MUS81: variants seen among roughly 807,000 people sequenced by gnomAD.
MUS81 encodes structure-specific endonuclease subunit MUS81.
A neutral mutation model predicts 74.2 loss-of-function variants in MUS81; 69 were observed. That is an observed-to-expected ratio of 0.93 (90% confidence interval 0.77 to 1.14). The LOEUF is 1.14. Ranked by LOEUF, MUS81 falls within the 50% of genes most tolerant of loss-of-function variation. MUS81 has a pLI of 0.00. For missense variants in MUS81, 711 were observed against 726.5 expected, an observed-to-expected ratio of 0.98 and a Z score of 0.25; for synonymous variants, 303 against 300.6, an observed-to-expected ratio of 1.01 and a Z score of -0.08.
Position 65,863,136 on chromosome 11 carries a change from A to C in MUS81, c.677A>C (p.Asn226Thr). 1 of 1,614,152 alleles carries C rather than the reference A, an allele frequency of 6.2e-7. No homozygotes were observed. Among genetic ancestry groups the C allele is most frequent in the South Asian group, 1.1e-5 (1 of 91,086 alleles). ...LAESEGLSLLNVGIGPKEPPG... is the reference protein window; with the variant it reads ...LAESEGLSLLTVGIGPKEPPG... ...GAGTCAGAAGGCCTGAGCTTGCTGA[A>C]TGTGGGCATCGGGCCCAAGGAGCCC... The change falls in exon 7 of 16, where the codon AAT (asparagine) becomes ACT (threonine). Residue 226 changes from asparagine to threonine, a missense_variant. Transcript: ENST00000308110.
chr11:65,860,153 T>A (rs1260028589), upstream of MUS81: 1 of 431,762 alleles, frequency 2.3e-6, no homozygotes, highest in Non-Finnish European at 4.8e-6. Context: ...GCCTTACCTT[T>A]GTGTCCTCAT....
Position 65,863,852 on chromosome 11 carries a change from T to C in MUS81, c.1010T>C (p.Leu337Pro). 1 of 1,614,182 alleles carries C rather than the reference T, an allele frequency of 6.2e-7. No individual in the cohort carries two copies. Among genetic ancestry groups the C allele is most frequent in the Non-Finnish European group, 8.5e-7 (1 of 1,180,018 alleles). ...GATCACATTGTGGAGCGCAAGCGAC[T>C]GGATGACCTTTGCAGCAGCATCATC... ...VLDHIVERKRLDDLCSSIIDG... is the reference protein window; with the variant it reads ...VLDHIVERKRPDDLCSSIIDG... The change falls in exon 10 of 16, where the codon CTG becomes CCG. Residue 337 changes from leucine (L) to proline (P), a missense_variant. Physicochemically the swap from Leu to Pro is moderately conservative, Grantham distance 98 (BLOSUM62 -3). Transcript: ENST00000308110.
chr11:65,864,542 G>A lies in MUS81; in HGVS notation c.1105G>A (p.Glu369Lys), dbSNP rs1859741112. The change falls in exon 11 of 16, where the codon GAA (glutamate) becomes AAA (lysine). Residue 369 changes from glutamate to lysine, a missense_variant. Transcript: ENST00000308110. ...CGLERRVYLV[E>K]EHGSVHNLSL... Reference sequence around the variant, plus strand: ...TCTGGAGCGCCGGGTATACCTGGTGGAAGAGCATGGTTCCGTCCACAACCT... The same window carrying A: ...TCTGGAGCGCCGGGTATACCTGGTGAAAGAGCATGGTTCCGTCCACAACCT... The A allele has an allele frequency of 6.2e-7, 1 of 1,614,064 alleles. No homozygotes were observed. Among genetic ancestry groups the A allele is most frequent in the African/African-American group, 1.3e-5 (1 of 74,932 alleles).
At position 65,865,057 on chromosome 11, in the gene MUS81, AC is replaced by A. The variant is rs1238465263; in HGVS notation, c.1316del (p.Pro439LeufsTer6). ...LRSRPWGTPG[N>X]PESGAMTSPN... Reference sequence around the variant, plus strand: ...AGCCGCCCCTGGGGAACCCCTGGGAACCCTGAATCAGGGGCCATGACCTCTC... The same window carrying A: ...AGCCGCCCCTGGGGAACCCCTGGGAACCTGAATCAGGGGCCATGACCTCTC... On this transcript the variant is annotated frameshift_variant, in exon 13 of 16. Transcript: ENST00000308110. LOFTEE classifies it high-confidence loss of function. 37 of 1,613,804 alleles carry A rather than the reference AC, an allele frequency of 2.3e-5. No homozygotes were observed. The highest frequency in any genetic ancestry group is 3.1e-5 in the Non-Finnish European group (37 of 1,179,966).
chr11:65,861,185 A>C, intron 2 of MUS81, 83 bp downstream of exon 2: 2 of 1,597,284 alleles, frequency 1.3e-6, no homozygotes, highest in Non-Finnish European at 1.7e-6. Context: ...CTTGGCTTTT[A>C]AGCTCCCCAC....
chr11:65,862,974 G>T, intron 6 of MUS81, 91 bp from the exon 7 acceptor site: 1 of 1,559,928 alleles, frequency 6.4e-7, no homozygotes. Flanking sequence ...CGCCAAGGGG[G>T]TGGTGAGGCC....
intron 6 of MUS81, among the ~76,000 whole-genome samples, 171 bp downstream of exon 6, chr11:65,862,700 G>C (rs1014175982): frequency 6.6e-6 from 1 of 152,244 alleles, no homozygotes; most frequent in Non-Finnish European, 1.5e-5. Context: ...CAGCAGCGGG[G>C]GTGGGAGGGT....
At position 65,860,764 on chromosome 11, in the gene MUS81, C is replaced by G. The variant is rs1331750240; in HGVS notation, c.11C>G (p.Pro4Arg). Reference sequence around the variant, plus strand: ...CCCGCCCTCGGGCTCATGGCGGCCCCGGTCCGCCTGGGCCGGAAGCGCCCG... The same window carrying G: ...CCCGCCCTCGGGCTCATGGCGGCCCGGGTCCGCCTGGGCCGGAAGCGCCCG... MAA[P>R]VRLGRKRPLP... Residue 4 changes from proline (P) to arginine (R), a missense_variant, in exon 1 of 16, where the codon CCG becomes CGG. Coordinates refer to ENST00000308110, the MANE Select transcript of MUS81 (RefSeq NM_025128.5). 5 of 1,534,612 alleles carry G rather than the reference C, an allele frequency of 3.3e-6. No homozygotes were observed. The highest frequency in any genetic ancestry group is 1.2e-5 in the South Asian group (1 of 83,918).
upstream of MUS81, chr11:65,859,932 G>A: frequency 5.1e-6 from 1 of 195,830 alleles, no homozygotes; most frequent in Non-Finnish European, 1.1e-5. Context: ...AAACCCAACC[G>A]CGTGCCCATC....
chr11:65,862,201 T>C lies in MUS81; in HGVS notation c.451-10T>C, dbSNP rs370932565. 6.2e-7 allele frequency: 1 copy of C among 1,613,338 alleles called. No individual in the cohort carries two copies. The highest frequency in any genetic ancestry group is 1.7e-5 in the Admixed American group (1 of 60,020). On this transcript the variant is annotated splice_polypyrimidine_tract_variant and intron_variant, in intron 4 of 15. Coordinates refer to ENST00000308110, the MANE Select transcript of MUS81 (RefSeq NM_025128.5). The stretch of plus-strand genomic sequence containing the variant: ...CTGAGCCTACCCTGTCTTTTCTACC[T>C]TGGTTTCAGAATCCTAATGGTCACC...
chr11:65,864,758 T>G lies in MUS81; in HGVS notation c.1215T>G (p.Ile405Met). ...DGFFVKRTAD[I>M]KESAAYLALL... ...TTTTTGTGAAGCGCACAGCAGACAT[T>G]AAGGAGTCAGCCGCCTACCTGGCCC... The change falls in exon 12 of 16, where the codon ATT becomes ATG. Residue 405 changes from isoleucine (I) to methionine (M), a missense_variant. By Grantham distance (10) the Ile-to-Met change is conservative. Transcript: ENST00000308110. 6.2e-7 allele frequency: 1 copy of G among 1,613,966 alleles called. No individual in the cohort carries two copies. Among genetic ancestry groups the G allele is most frequent in the South Asian group, 1.1e-5 (1 of 91,086 alleles).
At chr11:65,862,629 G>GC (rs369260564) in intron 6 of MUS81, 100 bp downstream of exon 6, 41 of 1,177,830 alleles carry the variant, frequency 3.5e-5, no homozygotes, top group African/African-American at 1.3e-4. Flanking sequence ...GTTGAGATTG[G>GC]GGGGGGTGGG....
At position 65,864,550 on chromosome 11, in the gene MUS81, T is replaced by C; in HGVS notation, c.1113T>C (p.His371=). The change falls in exon 11 of 16, where the codon CAT becomes CAC. Residue 371 remains histidine, a synonymous_variant. Transcript: ENST00000308110. ...GCCGGGTATACCTGGTGGAAGAGCA[T>C]GGTTCCGTCCACAACCTCAGCCTTC... ...LERRVYLVEE[H]GSVHNLSLPE... 1 of 1,614,134 alleles carries C rather than the reference T, an allele frequency of 6.2e-7. No homozygotes were observed. Among genetic ancestry groups the C allele is most frequent in the Non-Finnish European group, 8.5e-7 (1 of 1,180,000 alleles).
In MUS81 at chr11:65,866,070, G is replaced by C. The variant is rs766342060; in HGVS notation, c.*18G>C. The C allele has an allele frequency of 3.1e-6, 5 of 1,610,324 alleles. No individual in the cohort carries two copies. The highest frequency in any genetic ancestry group is 4.2e-6 in the Non-Finnish European group (5 of 1,178,108). On this transcript the variant is annotated 3_prime_UTR_variant, in exon 16 of 16. Coordinates refer to ENST00000308110, the MANE Select transcript of MUS81 (RefSeq NM_025128.5). The stretch of plus-strand genomic sequence containing the variant: ...TGACCTGAGCTTATGCCGTGAAACA[G>C]CCCCCAGCCCCCGTCTGTCCCCCAA...
At chr11:65,863,975 C>A in intron 10 of MUS81, 74 bp downstream of exon 10, 1 of 1,450,908 alleles carries the variant, frequency 6.9e-7, no homozygotes, top group African/African-American at 1.4e-5. Flanking sequence ...AATCCAGGGG[C>A]ACTTCTGGCA....
chr11:65,860,323 C>G (rs1213342114), upstream of MUS81: 1 of 466,294 alleles, frequency 2.1e-6, no homozygotes, highest in Admixed American at 2.3e-5. Flanking sequence ...CTTAGAGCCG[C>G]CAAGCTCAGG....
At chr11:65,867,583 C>T, downstream of MUS81, 1 of 517,062 alleles carries the variant, frequency 1.9e-6, no homozygotes, top group Non-Finnish European at 3.5e-6. Context: ...CAGGGCCCTG[C>T]ACACGCCATT....
intron 4 of MUS81, 21 bp downstream of exon 4, chr11:65,862,066 G>T (rs777128993): frequency 5.6e-6 from 9 of 1,604,322 alleles, no homozygotes; most frequent in Admixed American, 1.7e-5. Context: ...GGCTACACCG[G>T]GAGGCGGAAC....
chr11:65,862,750 G>T (rs1252885126), intron 6 of MUS81, among the ~76,000 whole-genome samples: 3 of 152,234 alleles, frequency 2.0e-5, no homozygotes, highest in African/African-American at 4.8e-5. Context: ...TTTCAGAGGA[G>T]ATAGCATTTG....
Sources: allele counts gnomAD v4.1 joint callset (sites outside exome capture counted in the v4.1 genomes callset), GRCh38; gene constraint gnomAD v4.1.1; transcripts MANE v1.5; gene names NCBI Gene and HGNC (gene_info 2026-07-23, HGNC 2026-07-21).